ATP10B: variants seen among roughly 807,000 people sequenced by gnomAD.
ATP10B encodes ATPase phospholipid transporting 10B (putative), also known as phospholipid-transporting ATPase VB.
ATP10B carries 122 observed loss-of-function variants against 141.2 expected under a neutral mutation model. That is an observed-to-expected ratio of 0.86 (90% CI 0.75 to 1.00). The LOEUF is 1.00. Ranked by LOEUF, ATP10B falls within the 50% of genes least tolerant of loss-of-function variation. The probability of loss-of-function intolerance (pLI) is 0.00; values close to 1 mark genes in which losing one functional copy is unlikely to be tolerated. For missense variants in ATP10B, 1,876 were observed against 1,825.3 expected (o/e 1.03, Z -0.51); for synonymous variants, 685 against 692.0 (o/e 0.99, Z 0.16).
intron 1 of ATP10B, among the ~76,000 whole-genome samples, chr5:160,820,910 G>A (rs1774053770): frequency 6.6e-6 from 1 of 152,072 alleles, no homozygotes. Flanking sequence ...TAAAAGCCAT[G>A]TATGGCAGAC....
chr5:160,809,868 T>G (rs1391394822), intron 1 of ATP10B, among the ~76,000 whole-genome samples: 2 of 152,196 alleles, frequency 1.3e-5, no homozygotes, highest in Admixed American at 1.3e-4. Flanking sequence ...TCTATTTTCT[T>G]TAATGGCTGT....
chr5:160,647,711 G>T (rs1435043737), intron 8 of ATP10B, among the ~76,000 whole-genome samples: 1 of 152,140 alleles, frequency 6.6e-6, no homozygotes, highest in East Asian at 1.9e-4. Flanking sequence ...AGGCACAAGG[G>T]GCGCCCTTCT....
intron 22 of ATP10B, 141 bp downstream of exon 22, chr5:160,598,629 A>G (rs758464128): frequency 4.1e-5 from 31 of 752,174 alleles, no homozygotes; most frequent in Middle Eastern, 4.0e-4. Context: ...GAGAGGAGTT[A>G]CTCAAAGTAA....
chr5:160,731,488 C>T (rs1240047886), intron 2 of ATP10B, among the ~76,000 whole-genome samples: 1 of 152,136 alleles, frequency 6.6e-6, no homozygotes, highest in Admixed American at 6.5e-5. Flanking sequence ...TGAATTTGAA[C>T]CCCTAATATC....
At chr5:160,750,874 T>C (rs1176282376) in intron 2 of ATP10B, among the ~76,000 whole-genome samples, 7 of 152,228 alleles carry the variant, frequency 4.6e-5, no homozygotes, top group Admixed American at 4.6e-4. Context: ...TCAGGGCCTC[T>C]GCATGGTTCA....
rs761083170 is a variant in ATP10B at position 160,565,674 on chromosome 5, T to C, written c.4165A>G (p.Lys1389Glu). The change falls in exon 26 of 26, where the codon AAG becomes GAG. Residue 1389 changes from lysine (K) to glutamate (E), a missense_variant. Lys to Glu is a moderately conservative substitution (Grantham distance 56). Transcript: ENST00000327245. ...ACTGACTCTTCCACATGCTTCCTCT[T>C]GGGAGGGTTAGAGCTCTTTGGGGTG... ...ASTPKSSNPP[K>E]RKHVEESVLH... The C allele has an allele frequency of 1.9e-6, 3 of 1,613,932 alleles. No individual in the cohort carries two copies. Among genetic ancestry groups the C allele is most frequent in the Non-Finnish European group, 2.5e-6 (3 of 1,179,968 alleles).
chr5:160,856,709 A>G (rs1407170581), upstream of ATP10B, among the ~76,000 whole-genome samples: 1 of 151,798 alleles, frequency 6.6e-6, no homozygotes, highest in African/African-American at 2.4e-5. Context: ...ATTTGAGTTG[A>G]GGGAGTTCTC....
chr5:160,813,230 C>G (rs1207818615), intron 1 of ATP10B, among the ~76,000 whole-genome samples: 1 of 152,196 alleles, frequency 6.6e-6, no homozygotes, highest in Non-Finnish European at 1.5e-5. Flanking sequence ...ATTCCCTTTC[C>G]TAGTCAAAGA....
chr5:160,636,009 A>G (rs1479235756), intron 11 of ATP10B, among the ~76,000 whole-genome samples, 173 bp downstream of exon 11: 2 of 152,196 alleles, frequency 1.3e-5, no homozygotes, highest in South Asian at 2.1e-4. Context: ...GGGTCCTTAA[A>G]TCACCCAAAA....
intron 23 of ATP10B, among the ~76,000 whole-genome samples, chr5:160,590,297 G>A (rs948088176): frequency 4.6e-5 from 7 of 152,150 alleles, no homozygotes; most frequent in African/African-American, 1.7e-4. Flanking sequence ...CAAAGACCTG[G>A]CCAGGGAGGG....
At chr5:160,774,394 G>T (rs1770132018) in intron 2 of ATP10B, among the ~76,000 whole-genome samples, 1 of 152,172 alleles carries the variant, frequency 6.6e-6, no homozygotes, top group Non-Finnish European at 1.5e-5. Context: ...TCAAATTGTT[G>T]CATGACTTTA....
chr5:160,676,792 T>C (rs1032282407), intron 6 of ATP10B, among the ~76,000 whole-genome samples: 4 of 152,236 alleles, frequency 2.6e-5, no homozygotes, highest in African/African-American at 4.8e-5. Flanking sequence ...AACCCAGCAT[T>C]TAACCTCCAT....
At chr5:160,795,792 G>A (rs1329718218) in intron 1 of ATP10B, among the ~76,000 whole-genome samples, 1 of 152,032 alleles carries the variant, frequency 6.6e-6, no homozygotes, top group Admixed American at 6.6e-5. Context: ...AATGCCAGCA[G>A]CCACCAGAAG....
intron 1 of ATP10B, among the ~76,000 whole-genome samples, chr5:160,825,774 T>C (rs1464181517): frequency 6.6e-6 from 1 of 152,128 alleles, no homozygotes; most frequent in African/African-American, 2.4e-5. Flanking sequence ...ACCCAATAGG[T>C]TGTTTTTCAA....
upstream of ATP10B, among the ~76,000 whole-genome samples, chr5:160,855,986 T>C (rs1753988021): frequency 3.3e-5 from 5 of 151,932 alleles, no homozygotes; most frequent in Admixed American, 3.3e-4. Context: ...ACTATAATCA[T>C]ATAAATCTTA....
intron 6 of ATP10B, among the ~76,000 whole-genome samples, chr5:160,683,040 C>CCCAAAAAA (rs765095450): frequency 1.5e-5 from 1 of 66,976 alleles, no homozygotes; most frequent in Non-Finnish European, 2.8e-5. Context: ...CTCTGTCCCC[C>CCCAAAAAA]AAAAAAAAAA....
intron 2 of ATP10B, among the ~76,000 whole-genome samples, chr5:160,750,765 C>T (rs1169316231): frequency 6.6e-6 from 1 of 152,174 alleles, no homozygotes; most frequent in Non-Finnish European, 1.5e-5. Context: ...AACCTGCTAA[C>T]TTCTCCAGCC....
At chr5:160,728,002 G>A (rs544294578) in intron 2 of ATP10B, among the ~76,000 whole-genome samples, 22 of 152,226 alleles carry the variant, frequency 1.4e-4, no homozygotes, top group African/African-American at 4.8e-4. Context: ...CACTGATAAT[G>A]TCATTACAAG....
At chr5:160,841,126 C>A (rs1775784396) in intron 1 of ATP10B, among the ~76,000 whole-genome samples, 1 of 152,086 alleles carries the variant, frequency 6.6e-6, no homozygotes, top group Admixed American at 6.6e-5. Context: ...ATTTATGAGG[C>A]TACTCATTAA....
Sources: allele counts gnomAD v4.1 joint callset (sites outside exome capture counted in the v4.1 genomes callset), GRCh38; gene constraint gnomAD v4.1.1; transcripts MANE v1.5; gene names NCBI Gene and HGNC (gene_info 2026-07-23, HGNC 2026-07-21).